The following BTAF1 variants were observed in gnomAD, a reference collection of about 807,000 sequenced individuals.
The protein encoded by BTAF1 is TATA-binding protein-associated factor 172.
BTAF1 carries 38 observed loss-of-function variants against 227.1 expected under a neutral mutation model. That is an observed-to-expected ratio of 0.17 (90% CI 0.13 to 0.22). The LOEUF (loss-of-function observed/expected upper bound fraction) is 0.22. Among genes scored for constraint, BTAF1 ranks in the 10% least tolerant of loss-of-function variants. The pLI, the probability that BTAF1 is intolerant of heterozygous loss-of-function variation, is 1.00. For missense variants in BTAF1, 1,598 were observed against 2,204.0 expected (o/e 0.73, Z 5.51); for synonymous variants, 742 against 751.9 (o/e 0.99, Z 0.21).
chr10:91,971,838 AT>A (rs11299264), intron 14 of BTAF1, among the ~76,000 whole-genome samples: 45,409 of 148,428 alleles, frequency 0.31, 8,293 homozygotes, highest in South Asian at 0.52. Context: ...AAATTTTGGG[AT>A]TTTTTTTTTT....
chr10:91,946,625 T>C (rs780665773), intron 4 of BTAF1, among the ~76,000 whole-genome samples: 2 of 152,212 alleles, frequency 1.3e-5, no homozygotes, highest in Non-Finnish European at 2.9e-5. Context: ...TATCTCATTG[T>C]GATTTTGATT....
chr10:91,956,723 C>T, intron 7 of BTAF1, 66 bp downstream of exon 7: 8 of 1,535,872 alleles, frequency 5.2e-6, no homozygotes, highest in Non-Finnish European at 6.2e-6. Context: ...GCAGCGGTGG[C>T]TCACTCCTGT....
intron 8 of BTAF1, among the ~76,000 whole-genome samples, 188 bp downstream of exon 8, chr10:91,957,481 A>G (rs764175758): frequency 5.3e-5 from 8 of 152,216 alleles, no homozygotes; most frequent in Non-Finnish European, 1.0e-4. Flanking sequence ...TCCTTCAGTC[A>G]TATTCTTTAG....
intron 5 of BTAF1, among the ~76,000 whole-genome samples, chr10:91,952,701 A>G (rs576317309): frequency 6.6e-5 from 10 of 152,222 alleles, no homozygotes; most frequent in South Asian, 4.2e-4. Context: ...TTCTGCAGAC[A>G]AGGGGGTAGA....
intron 34 of BTAF1, among the ~76,000 whole-genome samples, chr10:92,022,236 G>A (rs1332872209): frequency 6.6e-6 from 1 of 152,180 alleles, no homozygotes; most frequent in Non-Finnish European, 1.5e-5. Context: ...TAGGAAGAAT[G>A]TCTGGTAAGT....
At chr10:92,016,596 C>A in intron 33 of BTAF1, 131 bp downstream of exon 33, 1 of 682,764 alleles carries the variant, frequency 1.5e-6, no homozygotes, top group Non-Finnish European at 2.2e-6. Context: ...ATGCCTCAGA[C>A]TCCTGAGTAG....
intron 19 of BTAF1, among the ~76,000 whole-genome samples, chr10:91,987,402 G>A (rs1477219553): frequency 6.6e-6 from 1 of 152,008 alleles, no homozygotes; most frequent in African/African-American, 2.4e-5. Context: ...AGAATGGCGT[G>A]AACCCAGGAG....
In BTAF1 at chr10:92,016,483, C is replaced by T; in HGVS notation, c.4710+18C>T. ...TATTCCAGGTATAGATTACATTCTA[C>T]TTTTTTTTTTTTTGAGATGGAATTT... On this transcript the variant is annotated intron_variant, in intron 33 of 37. Transcript: ENST00000265990. 4.5e-6 allele frequency: 6 copies of T among 1,338,222 alleles called. No homozygotes were observed. Among genetic ancestry groups the T allele is most frequent in the South Asian group, 3.2e-5 (2 of 63,006 alleles). 82.9% of individuals were successfully genotyped at this position (1,338,222 alleles called of 1,614,324 possible).
chr10:91,988,111 T>C (rs1365218561), intron 19 of BTAF1, among the ~76,000 whole-genome samples: 1 of 152,232 alleles, frequency 6.6e-6, no homozygotes, highest in Non-Finnish European at 1.5e-5. Context: ...TAATCTCTTC[T>C]TCTAAGAAGG....
chr10:92,014,464 C>A (rs577639050), intron 32 of BTAF1, among the ~76,000 whole-genome samples: 1 of 152,146 alleles, frequency 6.6e-6, no homozygotes, highest in Non-Finnish European at 1.5e-5. Context: ...CAGGGTCAAG[C>A]AGTCCTCCCA....
At chr10:91,985,177 T>C in intron 19 of BTAF1, among the ~76,000 whole-genome samples, 1 of 151,944 alleles carries the variant, frequency 6.6e-6, no homozygotes, top group South Asian at 2.1e-4. Flanking sequence ...TTATTCTAAT[T>C]CCCCCCCGAA....
At position 91,944,868 on chromosome 10, in the gene BTAF1, C is replaced by A. The variant is rs556791107; in HGVS notation, c.400+2300C>A. On this transcript the variant is annotated intron_variant, in intron 4 of 37. Transcript: ENST00000265990. ...AGGACTGCATATACAGTTGTGGTCC[C>A]ATAAAATTATATTACTGTATTTTTA... 9.9e-5 allele frequency among the ~76,000 whole-genome samples: 15 copies of A among 152,266 alleles called. No homozygotes were observed. The South Asian group carries it at 3.1e-3, about 32-fold the overall frequency.
chr10:91,982,944 G>A (rs918289649), intron 18 of BTAF1, among the ~76,000 whole-genome samples, 183 bp downstream of exon 18: 18 of 152,154 alleles, frequency 1.2e-4, no homozygotes, highest in Non-Finnish European at 2.1e-4. Context: ...CTGGACTTTT[G>A]TCTTAGAACC....
chr10:91,940,918 C>T (rs1844951073), intron 3 of BTAF1, among the ~76,000 whole-genome samples: 2 of 152,010 alleles, frequency 1.3e-5, no homozygotes, highest in South Asian at 2.1e-4. Context: ...GGGTTTGAAT[C>T]CCTGGCCTCA....
chr10:91,991,797 GTATATATATATATA>G (rs1166615338), intron 20 of BTAF1, among the ~76,000 whole-genome samples: 5 of 10,008 alleles, frequency 5.0e-4, no homozygotes, highest in Admixed American at 1.6e-3. Context: ...GTGTGTGTGT[GTATATATATATATA>G]TATATATATA....
At chr10:91,948,204 T>G (rs1337657829) in intron 4 of BTAF1, among the ~76,000 whole-genome samples, 2 of 77,222 alleles carry the variant, frequency 2.6e-5, no homozygotes, top group Non-Finnish European at 5.2e-5. Context: ...TTCCTCCCCC[T>G]GTGTCCAAGT....
At chr10:91,997,104 G>C in intron 24 of BTAF1, 2 of 1,288,156 alleles carry the variant, frequency 1.6e-6, no homozygotes, top group Non-Finnish European at 2.0e-6. Flanking sequence ...TCAAAAGATG[G>C]ATGAAGATCA....
At chr10:92,001,831 G>A (rs762089841) in intron 25 of BTAF1, among the ~76,000 whole-genome samples, 11 of 151,406 alleles carry the variant, frequency 7.3e-5, no homozygotes, top group Non-Finnish European at 1.6e-4. Flanking sequence ...TATACTCCAA[G>A]GCTGAGTGCA....
rs778647743 is a variant in BTAF1 at position 91,960,185 on chromosome 10, GGA to G, written c.1263+35_1263+36del. The G allele has an allele frequency of 4.4e-6, 7 of 1,600,394 alleles. No individual in the cohort carries two copies. In the South Asian group the frequency reaches 7.8e-5, roughly 18 times the overall value. On this transcript the variant is annotated intron_variant, in intron 11 of 37. Coordinates refer to ENST00000265990, the MANE Select transcript of BTAF1 (RefSeq NM_003972.3). ...TATTTCAAGTTTTGAAGCTTATGTG[GGA>G]GAGTTTTTTCCCCCTTATAGTTTAT...
Sources: allele counts gnomAD v4.1 joint callset (sites outside exome capture counted in the v4.1 genomes callset), GRCh38; gene constraint gnomAD v4.1.1; transcripts MANE v1.5; gene names NCBI Gene and HGNC (gene_info 2026-07-23, HGNC 2026-07-21).